HAS3: variants seen among roughly 807,000 people sequenced by gnomAD.
HAS3 encodes the protein HA synthase 3.
HAS3 carries 27 observed loss-of-function variants against 50.3 expected under a neutral mutation model. That is an observed-to-expected ratio of 0.54 (90% CI 0.40 to 0.74). The LOEUF is 0.74. HAS3 is among the 30% of genes least tolerant of loss of function. The probability of loss-of-function intolerance (pLI) is 0.00; values close to 1 mark genes in which losing one functional copy is unlikely to be tolerated. For synonymous variants in HAS3, 339 were observed against 310.9 expected (o/e 1.09, Z -0.95); for missense variants, 517 against 742.8 (o/e 0.70, Z 3.53).
downstream of HAS3, chr16:69,117,985 G>T (rs1961274610): frequency 3.9e-6 from 1 of 258,426 alleles, no homozygotes. Context: ...TATGAAACAG[G>T]TAACAAAACA....
chr16:69,117,396 T>TAA lies in HAS3; in HGVS notation c.*2131_*2132dup, dbSNP rs1475413896. ...AACGTTTGACCTCGACTGGTTTTTCTAAGTTATTTTGTACATTTTTCAGCA... is the reference window on the plus strand; with the variant it reads ...AACGTTTGACCTCGACTGGTTTTTCTAAAAGTTATTTTGTACATTTTTCAGCA... On this transcript the variant is annotated 3_prime_UTR_variant, in exon 4 of 4. Coordinates refer to ENST00000569188, the MANE Select transcript of HAS3 (RefSeq NM_001199280.2). The TAA allele has an allele frequency of 2.0e-6, 2 of 985,702 alleles. No homozygotes were observed. Among genetic ancestry groups the TAA allele is most frequent in the African/African-American group, 3.5e-5 (2 of 57,236 alleles). 61.1% of individuals were successfully genotyped at this position (985,702 alleles called of 1,614,324 possible). A position where few individuals can be genotyped will look rare whatever the true frequency, so the allele number is the denominator to read the frequency against.
chr16:69,113,063 T>C (rs1597097895), intron 2 of HAS3, among the ~76,000 whole-genome samples: 2 of 152,180 alleles, frequency 1.3e-5, no homozygotes, highest in South Asian at 2.1e-4. Flanking sequence ...CTTAAGGCCA[T>C]ATGCAGCCTG....
At chr16:69,089,931 A>T in the HAS3 span, among the ~76,000 whole-genome samples, 1 of 152,186 alleles carries the variant, frequency 6.6e-6, no homozygotes, top group African/African-American at 2.4e-5. Context: ...TCCATCCATA[A>T]GCTTGTCTGA....
At chr16:69,101,394 G>A (rs778857605), upstream of HAS3, among the ~76,000 whole-genome samples, 18 of 152,168 alleles carry the variant, frequency 1.2e-4, no homozygotes, top group Middle Eastern at 3.4e-3. Context: ...TCCGCCTCCC[G>A]GGTTCAAGGG....
chr16:69,109,823 C>G lies in HAS3; in HGVS notation c.428C>G (p.Thr143Ser), dbSNP rs764759873. 1.9e-6 allele frequency: 3 copies of G among 1,612,712 alleles called. No homozygotes were observed. In the South Asian group the frequency reaches 3.3e-5, roughly 18 times the overall value. Residue 143 changes from threonine (T) to serine (S), a missense_variant, in exon 2 of 4, where the codon ACC becomes AGC. By Grantham distance (58) the Thr-to-Ser change is moderately conservative. Transcript: ENST00000569188. This position sits in a 1 kb window ranked among gnomAD's most constrained non-coding sequence, Gnocchi z 5.3. ...LDIFHEVLGG[T>S]EQAGFFVWRS... is the part of the protein sequence containing the mutation. The stretch of plus-strand genomic sequence containing the variant: ...ATCTTCCACGAGGTGCTGGGCGGCA[C>G]CGAGCAGGCCGGCTTCTTTGTGTGG...
chr16:69,083,854 G>A, the HAS3 span: 1 of 573,258 alleles, frequency 1.7e-6, no homozygotes, highest in Non-Finnish European at 3.1e-6. Flanking sequence ...CCCGCGTTCA[G>A]CCTGAGGGGT....
chr16:69,103,743 C>T (rs769994032), upstream of HAS3, among the ~76,000 whole-genome samples: 38 of 152,306 alleles, frequency 2.5e-4, no homozygotes, highest in Non-Finnish European at 4.6e-4. Context: ...CTTGCTGTCA[C>T]TGAGTGCTCT....
In HAS3 at chr16:69,116,416, G is replaced by C. The variant is rs766991782; in HGVS notation, c.*1150G>C. 1.0e-6 allele frequency: 1 copy of C among 985,654 alleles called. No individual in the cohort carries two copies. Among genetic ancestry groups the C allele is most frequent in the Non-Finnish European group, 1.2e-6 (1 of 829,854 alleles). The allele number at this position is 985,654 out of a possible 1,614,324, so 61.1% of individuals were successfully genotyped here. ...TGCTTGGACGGATTCCTTGGCAGCCGGGTTAGCATGTGTGACTTTCAGGCT... is the reference window on the plus strand; with the variant it reads ...TGCTTGGACGGATTCCTTGGCAGCCCGGTTAGCATGTGTGACTTTCAGGCT... On this transcript the variant is annotated 3_prime_UTR_variant, in exon 4 of 4. Coordinates refer to ENST00000569188, the MANE Select transcript of HAS3 (RefSeq NM_001199280.2).
chr16:69,092,042 G>C, the HAS3 span, among the ~76,000 whole-genome samples: 1 of 152,216 alleles, frequency 6.6e-6, no homozygotes, highest in African/African-American at 2.4e-5. Flanking sequence ...ATGCCCTTCT[G>C]TGTACTTAAC....
At chr16:69,098,564 A>C in the HAS3 span, among the ~76,000 whole-genome samples, 1 of 151,898 alleles carries the variant, frequency 6.6e-6, no homozygotes, top group African/African-American at 2.4e-5. Context: ...TTTTATTACA[A>C]AATTGTTTTA....
chr16:69,099,489 A>G, the HAS3 span, among the ~76,000 whole-genome samples: 2 of 151,396 alleles, frequency 1.3e-5, no homozygotes, highest in African/African-American at 4.9e-5. Context: ...CACCATGCCC[A>G]GCTAATTTTT....
Position 69,117,306 on chromosome 16 carries a change from GC to G in HAS3, c.*2042del, listed in dbSNP as rs1215080814. The stretch of plus-strand genomic sequence containing the variant: ...TCCTGGCTGTCCTACCATCAGCTCT[GC>G]CTTGCACTGTGGTCGTCAACTTTCC... On this transcript the variant is annotated 3_prime_UTR_variant, in exon 4 of 4. Coordinates refer to ENST00000569188, the MANE Select transcript of HAS3 (RefSeq NM_001199280.2). The G allele has an allele frequency of 4.1e-6, 4 of 985,730 alleles. No individual in the cohort carries two copies. The highest frequency in any genetic ancestry group is 4.8e-6 in the Non-Finnish European group (4 of 829,930). The allele number at this position is 985,730 out of a possible 1,614,324, so 61.1% of individuals were successfully genotyped here. A position where few individuals can be genotyped will look rare whatever the true frequency, so the allele number is the denominator to read the frequency against.
At chr16:69,108,010 G>A (rs1036639840) in intron 1 of HAS3, among the ~76,000 whole-genome samples, 1 of 152,362 alleles carries the variant, frequency 6.6e-6, no homozygotes, top group East Asian at 1.9e-4. Flanking sequence ...AGGAAAGTGT[G>A]TTTGTTTTGG....
Position 69,109,191 on chromosome 16 carries a change from G to T in HAS3, c.1-205G>T, listed in dbSNP as rs915451162. Among the ~76,000 whole-genome samples, 71 of 152,204 alleles carry T rather than the reference G, an allele frequency of 4.7e-4. 1 individual carries two copies. Among genetic ancestry groups the T allele is most frequent in the African/African-American group, 1.6e-3 (66 of 41,456 alleles). On this transcript the variant is annotated intron_variant, in intron 1 of 3. Transcript: ENST00000569188. The surrounding 1 kb of genome is among the most constrained non-coding windows in gnomAD (Gnocchi z 5.3). The stretch of plus-strand genomic sequence containing the variant: ...CTGCAACCCACATTTTACAGATGAC[G>T]TAAGGGGGCACAGACATCAAGTGGC...
At chr16:69,103,004 TGTG>T (rs1056480224), upstream of HAS3, among the ~76,000 whole-genome samples, 2 of 41,510 alleles carry the variant, frequency 4.8e-5, no homozygotes, top group African/African-American at 3.2e-4. Flanking sequence ...GGAGTGTGCA[TGTG>T]TGTGTGTGTG....
chr16:69,110,313 T>C (rs1019273846), intron 2 of HAS3, among the ~76,000 whole-genome samples: 22 of 152,142 alleles, frequency 1.4e-4, no homozygotes, highest in African/African-American at 5.3e-4. Flanking sequence ...TAGCCGGGCA[T>C]GGTGGCAGGC....
At chr16:69,098,893 G>A in the HAS3 span, among the ~76,000 whole-genome samples, 8 of 151,770 alleles carry the variant, frequency 5.3e-5, no homozygotes, top group South Asian at 1.2e-3. Context: ...TCGAACTTAC[G>A]ACCTCAGGTG....
At position 69,115,098 on chromosome 16, in the gene HAS3, A is replaced by C. The variant is rs563384214; in HGVS notation, c.1494A>C (p.Thr498=). 69 of 1,612,836 alleles carry C rather than the reference A, an allele frequency of 4.3e-5. No homozygotes were observed. The highest frequency in any genetic ancestry group is 5.4e-5 in the Non-Finnish European group (64 of 1,179,312). ...TTCTCCTGGGAGGGCTGGCCTACAC[A>C]GCTTATTGCCAGGACCTGTTCAGTG... ...VAVLLGGLAY[T]AYCQDLFSET... The change falls in exon 4 of 4, where the codon ACA becomes ACC. Residue 498 remains threonine, a synonymous_variant. Coordinates refer to ENST00000569188, the MANE Select transcript of HAS3 (RefSeq NM_001199280.2).
At chr16:69,087,489 T>C in the HAS3 span, among the ~76,000 whole-genome samples, 3 of 152,042 alleles carry the variant, frequency 2.0e-5, no homozygotes, top group Admixed American at 2.0e-4. Context: ...CTCCTTATCA[T>C]CTCTCCACAC....
Sources: allele counts gnomAD v4.1 joint callset (sites outside exome capture counted in the v4.1 genomes callset), GRCh38; gene constraint gnomAD v4.1.1; non-coding constraint Gnocchi (gnomAD v3.1); transcripts MANE v1.5; gene names NCBI Gene and HGNC (gene_info 2026-07-23, HGNC 2026-07-21).